NEDD4L: variants seen among roughly 807,000 people sequenced by gnomAD.
NEDD4L encodes E3 ubiquitin-protein ligase NEDD4-like.
Under a neutral mutation model 148.9 loss-of-function variants are expected in NEDD4L, and 54 were observed. The observed-to-expected ratio is 0.36, with a 90% CI of 0.29 to 0.45. The LOEUF (loss-of-function observed/expected upper bound fraction) is 0.45. Ranked by LOEUF, NEDD4L falls within the 20% of genes least tolerant of loss-of-function variation. The pLI, the probability that NEDD4L is intolerant of heterozygous loss-of-function variation, is 1.00. For synonymous variants in NEDD4L, 433 were observed against 440.7 expected (o/e 0.98, Z 0.22); for missense variants, 856 against 1,233.8 (o/e 0.69, Z 4.59).
At chr18:58,276,694 ATAT>A (rs143837901) in intron 5 of NEDD4L, among the ~76,000 whole-genome samples, 25 of 97,828 alleles carry the variant, frequency 2.6e-4, no homozygotes, top group African/African-American at 8.6e-4. Context: ...AATAATAATA[ATAT>A]TATTATTATT....
intron 1 of NEDD4L, among the ~76,000 whole-genome samples, chr18:58,052,624 G>A (rs2081923781): frequency 6.8e-6 from 1 of 147,502 alleles, no homozygotes; most frequent in Admixed American, 7.0e-5. Flanking sequence ...CAAAAGAAAA[G>A]GGCCATTCAA....
chr18:58,288,779 G>T (rs1442512151), intron 5 of NEDD4L, among the ~76,000 whole-genome samples: 3 of 152,018 alleles, frequency 2.0e-5, no homozygotes, highest in Non-Finnish European at 4.4e-5. Flanking sequence ...TGCATTACAG[G>T]TAGATACTGC....
chr18:58,291,352 AG>A (rs1308705931), intron 5 of NEDD4L, among the ~76,000 whole-genome samples: 1 of 152,242 alleles, frequency 6.6e-6, no homozygotes, highest in Non-Finnish European at 1.5e-5. Context: ...CCTGACCACA[AG>A]GATGCTGGAA....
chr18:58,099,510 T>G (rs1313654952), intron 1 of NEDD4L, among the ~76,000 whole-genome samples: 2 of 152,262 alleles, frequency 1.3e-5, no homozygotes, highest in Admixed American at 1.3e-4. Flanking sequence ...GTCTGCTGTG[T>G]ACCAGCCAGC....
At chr18:58,149,550 A>G (rs1440173684) in intron 1 of NEDD4L, 41 of 1,548,540 alleles carry the variant, frequency 2.6e-5, no homozygotes, top group Non-Finnish European at 3.5e-5. Flanking sequence ...GACGTCTCGC[A>G]TTTGAGCAGG....
chr18:58,218,277 T>C (rs1011292757), intron 2 of NEDD4L, among the ~76,000 whole-genome samples: 2 of 152,240 alleles, frequency 1.3e-5, no homozygotes, highest in African/African-American at 4.8e-5. Context: ...GTCTTTTAAG[T>C]GTAGTCAACA....
At chr18:58,241,010 A>C (rs1045945119) in intron 2 of NEDD4L, among the ~76,000 whole-genome samples, 2 of 152,054 alleles carry the variant, frequency 1.3e-5, no homozygotes, top group African/African-American at 4.8e-5. Flanking sequence ...AGATTTTACC[A>C]TGTTGTCCAG....
At chr18:58,138,840 C>T (rs376855717) in intron 1 of NEDD4L, among the ~76,000 whole-genome samples, 1 of 152,224 alleles carries the variant, frequency 6.6e-6, no homozygotes, top group South Asian at 2.1e-4. Context: ...GTAAAGGCTC[C>T]ACCTTCCAAT....
chr18:58,167,229 C>T (rs992042578), intron 2 of NEDD4L, among the ~76,000 whole-genome samples: 51 of 152,330 alleles, frequency 3.3e-4, no homozygotes, highest in African/African-American at 1.1e-3. Context: ...CCTGAAGGCA[C>T]TCTCTTGCTT....
At chr18:58,197,167 T>C (rs967044647) in intron 2 of NEDD4L, among the ~76,000 whole-genome samples, 24 of 152,170 alleles carry the variant, frequency 1.6e-4, no homozygotes, top group Non-Finnish European at 7.3e-5. Flanking sequence ...GCCTTCCTTT[T>C]TGGGTGGGAC....
At chr18:58,343,428 A>G (rs2042677911) in intron 16 of NEDD4L, among the ~76,000 whole-genome samples, 1 of 152,210 alleles carries the variant, frequency 6.6e-6, no homozygotes, top group Non-Finnish European at 1.5e-5. Flanking sequence ...TCACAAAGTA[A>G]TCTCACTAGG....
intron 2 of NEDD4L, among the ~76,000 whole-genome samples, chr18:58,218,262 G>T (rs1368363854): frequency 1.3e-5 from 2 of 152,090 alleles, no homozygotes; most frequent in African/African-American, 2.4e-5. Context: ...CCTAAAAACT[G>T]CCCAGTCTTT....
rs974830339 is a variant in NEDD4L at position 58,396,796 on chromosome 18, C to T, written c.*527C>T. ...TTTTTGAAGTACTCTGACACCTCCA[C>T]CCTCTACTTTATTAGAATTGGAAGG... is the stretch of plus-strand genomic sequence containing the variant. On this transcript the variant is annotated 3_prime_UTR_variant, in exon 31 of 31. Transcript: ENST00000400345. 2 of 151,728 alleles carry T rather than the reference C, an allele frequency of 1.3e-5. No homozygotes were observed. Among genetic ancestry groups the T allele is most frequent in the Admixed American group, 1.3e-4 (2 of 15,180 alleles). The allele number at this position is 151,728 out of a possible 1,614,324, so 9.4% of individuals were successfully genotyped here.
rs554139220 is a variant in NEDD4L, at chr18:58,272,586, C to T, written c.297+20532C>T. On this transcript the variant is annotated intron_variant, in intron 5 of 30. Transcript: ENST00000400345. ...CTGAGGCTGCTGTGAGCTGTGATTA[C>T]ACCACTATACTCCAGCCTGGGTGAC... Among the ~76,000 whole-genome samples, 15 of 151,482 alleles carry T rather than the reference C, an allele frequency of 9.9e-5. No individual in the cohort carries two copies. In the South Asian group the frequency reaches 3.1e-3, roughly 32 times the overall value.
intron 1 of NEDD4L, among the ~76,000 whole-genome samples, chr18:58,078,366 G>T (rs922332370): frequency 3.9e-5 from 6 of 152,190 alleles, no homozygotes; most frequent in South Asian, 4.1e-4. Flanking sequence ...AGAACATGAT[G>T]CTTTGGGATG....
At chr18:58,044,815 G>A in intron 1 of NEDD4L, 107 bp downstream of exon 1, 1 of 1,407,690 alleles carries the variant, frequency 7.1e-7, no homozygotes, top group Non-Finnish European at 9.5e-7. Context: ...CCCAGCGTCT[G>A]CAGGGGAGCC....
intron 19 of NEDD4L, among the ~76,000 whole-genome samples, chr18:58,362,633 G>C (rs1419788804): frequency 6.6e-6 from 1 of 152,200 alleles, no homozygotes; most frequent in Admixed American, 6.5e-5. Context: ...GCTCTCAACA[G>C]CTTGTGAGCT....
intron 5 of NEDD4L, among the ~76,000 whole-genome samples, chr18:58,282,966 GTCCCCAGGATGA>G (rs1338581961): frequency 6.6e-6 from 1 of 152,128 alleles, no homozygotes; most frequent in African/African-American, 2.4e-5. Context: ...GTCACCAAGA[GTCCCCAGGATGA>G]TGACGGCTAA....
chr18:58,393,713 T>C (rs926437108), intron 30 of NEDD4L, among the ~76,000 whole-genome samples: 2 of 152,234 alleles, frequency 1.3e-5, no homozygotes, highest in Admixed American at 6.5e-5. Context: ...ACTGGCTGTT[T>C]CGTGGCAACA....
Sources: allele counts gnomAD v4.1 joint callset (sites outside exome capture counted in the v4.1 genomes callset), GRCh38; gene constraint gnomAD v4.1.1; transcripts MANE v1.5; gene names NCBI Gene and HGNC (gene_info 2026-07-23, HGNC 2026-07-21).